PRR16: variants seen among roughly 807,000 people sequenced by gnomAD.
The protein encoded by PRR16 is protein Largen.
In PRR16, 6 loss-of-function variants were observed where a neutral mutation model predicts 18.2. That is an observed-to-expected ratio of 0.33 (90% CI 0.18 to 0.65). The LOEUF (loss-of-function observed/expected upper bound fraction) is 0.65. Among genes scored for constraint, PRR16 ranks in the 30% least tolerant of loss-of-function variants. The pLI, the probability that PRR16 is intolerant of heterozygous loss-of-function variation, is 0.74. For synonymous variants in PRR16, 151 were observed against 147.8 expected, an observed-to-expected ratio of 1.02 and a Z score of -0.16; for missense variants, 412 against 376.6, an observed-to-expected ratio of 1.09 and a Z score of -0.78.
At chr5:120,772,419 A>G in the PRR16 span, among the ~76,000 whole-genome samples, 1 of 152,092 alleles carries the variant, frequency 6.6e-6, no homozygotes, top group African/African-American at 2.4e-5. Context: ...TGACATATAG[A>G]ATGCATAATT....
chr5:120,557,094 T>A (rs1752438592), intron 1 of PRR16, among the ~76,000 whole-genome samples: 1 of 151,920 alleles, frequency 6.6e-6, no homozygotes, highest in Admixed American at 6.6e-5. Context: ...CACACAACAA[T>A]AAAATTTCTT....
At chr5:120,794,558 TAATC>T in the PRR16 span, among the ~76,000 whole-genome samples, 2 of 152,256 alleles carry the variant, frequency 1.3e-5, no homozygotes, top group African/African-American at 2.4e-5. Context: ...ATGGCGAACT[TAATC>T]AATAAATGTG....
intron 1 of PRR16, among the ~76,000 whole-genome samples, chr5:120,673,102 A>T (rs1343961410): frequency 6.6e-6 from 1 of 152,252 alleles, no homozygotes; most frequent in African/African-American, 2.4e-5. Flanking sequence ...GTTTGTTACA[A>T]AGGAAAGAAA....
chr5:120,470,375 A>G (rs922395400), intron 1 of PRR16, among the ~76,000 whole-genome samples: 6 of 152,160 alleles, frequency 3.9e-5, no homozygotes, highest in African/African-American at 9.6e-5. Context: ...AGGAGAAAAC[A>G]AAAATTATCT....
the PRR16 span, among the ~76,000 whole-genome samples, chr5:120,776,101 T>G: frequency 1.3e-5 from 2 of 152,138 alleles, no homozygotes; most frequent in South Asian, 4.1e-4. Flanking sequence ...CTCTCACTGT[T>G]GCTGCTCCCA....
the PRR16 span, among the ~76,000 whole-genome samples, chr5:120,773,542 C>G: frequency 2.0e-5 from 3 of 152,098 alleles, no homozygotes; most frequent in Non-Finnish European, 2.9e-5. Context: ...TCATTTCTTT[C>G]CTTTTATGAC....
chr5:120,485,570 T>A (rs1197768370), intron 1 of PRR16, among the ~76,000 whole-genome samples: 1 of 152,164 alleles, frequency 6.6e-6, no homozygotes, highest in Non-Finnish European at 1.5e-5. Flanking sequence ...CAGAATAGAG[T>A]AAAACACAGT....
chr5:120,724,193 C>T, the PRR16 span, among the ~76,000 whole-genome samples: 1 of 152,010 alleles, frequency 6.6e-6, no homozygotes, highest in African/African-American at 2.4e-5. Context: ...TCCTAAAACC[C>T]TACTGGGAAT....
At chr5:120,679,931 A>T (rs1021425604) in intron 1 of PRR16, among the ~76,000 whole-genome samples, 2 of 152,180 alleles carry the variant, frequency 1.3e-5, no homozygotes, top group Non-Finnish European at 2.9e-5. Context: ...AATGTACAAT[A>T]TGAGGGCTAT....
rs557606312 is a variant in PRR16 at position 120,581,810 on chromosome 5, A to G, written c.160-104144A>G. On this transcript the variant is annotated intron_variant, in intron 1 of 1. Transcript: ENST00000407149. ...TTCAAGAGCATGTTGTTCAATTTCC[A>G]TGAAATTGTGTGGTTTTGAGTGGGT... 2.0e-5 allele frequency among the ~76,000 whole-genome samples: 3 copies of G among 152,172 alleles called. No individual in the cohort carries two copies. In the East Asian group the frequency reaches 5.8e-4, roughly 29 times the overall value.
the PRR16 span, chr5:120,710,950 T>TC: frequency 6.6e-6 from 1 of 151,566 alleles, no homozygotes; most frequent in Non-Finnish European, 1.5e-5. Flanking sequence ...CTCTTTTTTT[T>TC]TTCCCCCCTC....
the PRR16 span, among the ~76,000 whole-genome samples, chr5:120,746,985 A>C: frequency 7.4e-4 from 112 of 152,348 alleles, no homozygotes; most frequent in African/African-American, 2.5e-3. Context: ...ATTTAAGTGA[A>C]AAAATTAAAA....
chr5:120,631,044 CTCA>C (rs1755035487), intron 1 of PRR16, among the ~76,000 whole-genome samples: 2 of 152,016 alleles, frequency 1.3e-5, no homozygotes, highest in Non-Finnish European at 2.9e-5. Flanking sequence ...TTGTAATCAA[CTCA>C]TCATAAAGAA....
the PRR16 span, among the ~76,000 whole-genome samples, chr5:120,734,650 C>A: frequency 6.6e-6 from 1 of 151,970 alleles, no homozygotes; most frequent in South Asian, 2.1e-4. Context: ...TGACTTTATT[C>A]CTTTATTAAA....
At chr5:120,620,277 T>C (rs1302011907) in intron 1 of PRR16, among the ~76,000 whole-genome samples, 1 of 152,156 alleles carries the variant, frequency 6.6e-6, no homozygotes, top group Non-Finnish European at 1.5e-5. Flanking sequence ...CAAAGAATTA[T>C]GGAGCATTGT....
At chr5:120,608,303 G>A (rs1754222483) in intron 1 of PRR16, among the ~76,000 whole-genome samples, 1 of 152,146 alleles carries the variant, frequency 6.6e-6, no homozygotes, top group Admixed American at 6.6e-5. Context: ...TAAAAAGAGT[G>A]TGCTACTTAT....
At chr5:120,485,720 A>C (rs903730402) in intron 1 of PRR16, among the ~76,000 whole-genome samples, 4 of 152,076 alleles carry the variant, frequency 2.6e-5, no homozygotes, top group Non-Finnish European at 5.9e-5. Flanking sequence ...ACATATGTAT[A>C]CCTGTGCCAT....
chr5:120,474,898 C>T (rs962010790), intron 1 of PRR16, among the ~76,000 whole-genome samples: 1 of 152,154 alleles, frequency 6.6e-6, no homozygotes, highest in Non-Finnish European at 1.5e-5. Context: ...CAGAGGCAAC[C>T]TTGACTAGTG....
At chr5:120,648,752 G>T in intron 1 of PRR16, among the ~76,000 whole-genome samples, 1 of 152,024 alleles carries the variant, frequency 6.6e-6, no homozygotes, top group East Asian at 1.9e-4. Flanking sequence ...TTTTACAACC[G>T]GCTTTTTGAG....
Sources: allele counts gnomAD v4.1 joint callset (sites outside exome capture counted in the v4.1 genomes callset), GRCh38; gene constraint gnomAD v4.1.1; transcripts MANE v1.5; gene names NCBI Gene and HGNC (gene_info 2026-07-23, HGNC 2026-07-21).